Variants in PPIL4 observed in about 807,000 individuals in gnomAD.
PPIL4 encodes peptidyl-prolyl cis-trans isomerase-like 4.
PPIL4 carries 50 observed loss-of-function variants against 69.1 expected under a neutral mutation model. The ratio of observed to expected loss-of-function variants is 0.72; its 90% CI spans 0.58 to 0.92. PPIL4 has a LOEUF of 0.92. Among genes scored for constraint, PPIL4 ranks in the 40% least tolerant of loss-of-function variants. PPIL4 has a pLI of 0.00. For missense variants in PPIL4, 480 were observed against 587.9 expected, an observed-to-expected ratio of 0.82 and a Z score of 1.90; for synonymous variants, 193 against 191.6, an observed-to-expected ratio of 1.01 and a Z score of -0.06.
chr6:149,515,765 C>T (rs1776934547), intron 11 of PPIL4, among the ~76,000 whole-genome samples: 1 of 152,180 alleles, frequency 6.6e-6, no homozygotes, highest in Non-Finnish European at 1.5e-5. Flanking sequence ...TTTCAGAAGA[C>T]ATCAAATCCC....
chr6:149,543,773 G>A (rs1777397360), intron 1 of PPIL4, among the ~76,000 whole-genome samples: 1 of 152,066 alleles, frequency 6.6e-6, no homozygotes, highest in African/African-American at 2.4e-5. Context: ...AGATGCACTG[G>A]AGGTGGGGGT....
intron 12 of PPIL4, among the ~76,000 whole-genome samples, chr6:149,509,109 T>G (rs368069628): frequency 4.6e-5 from 7 of 152,274 alleles, no homozygotes; most frequent in South Asian, 4.1e-4. Context: ...TTTTTAAAAT[T>G]TAATATACTT....
chr6:149,512,047 T>C (rs1776852735), intron 12 of PPIL4, 108 bp downstream of exon 12: 1 of 843,400 alleles, frequency 1.2e-6, no homozygotes, highest in Non-Finnish European at 1.7e-6. Context: ...AACAAACCCA[T>C]CTCTGCTTAG....
intron 11 of PPIL4, among the ~76,000 whole-genome samples, chr6:149,516,150 A>G (rs1423361310): frequency 6.6e-6 from 1 of 152,230 alleles, no homozygotes; most frequent in Non-Finnish European, 1.5e-5. Context: ...TATTAGTAAT[A>G]AGCCTAAATT....
At chr6:149,522,310 G>C (rs1777040933) in intron 9 of PPIL4, among the ~76,000 whole-genome samples, 2 of 152,070 alleles carry the variant, frequency 1.3e-5, no homozygotes, top group Admixed American at 1.3e-4. Flanking sequence ...TCAAAATTGA[G>C]AAACTGATTC....
chr6:149,536,738 C>CAAA (rs750303522), intron 4 of PPIL4, among the ~76,000 whole-genome samples: 1 of 102,302 alleles, frequency 9.8e-6, no homozygotes, highest in Non-Finnish European at 2.2e-5. Flanking sequence ...TACTCCATCT[C>CAAA]AAAAAAAAAA....
intron 9 of PPIL4, among the ~76,000 whole-genome samples, chr6:149,523,809 A>G (rs540193409): frequency 1.3e-5 from 2 of 152,346 alleles, no homozygotes; most frequent in East Asian, 1.9e-4. Flanking sequence ...AAAATAAATA[A>G]TAGATTCTAT....
At chr6:149,517,503 G>C (rs1776965852) in intron 10 of PPIL4, 53 bp from the exon 11 acceptor site, 2 of 778,324 alleles carry the variant, frequency 2.6e-6, no homozygotes, top group Admixed American at 3.0e-5. Flanking sequence ...ACCTAACCAA[G>C]AACAATAATT....
chr6:149,507,752 C>T (rs1776788565), intron 12 of PPIL4, among the ~76,000 whole-genome samples: 1 of 152,140 alleles, frequency 6.6e-6, no homozygotes, highest in Non-Finnish European at 1.5e-5. Flanking sequence ...ATCACTCCTA[C>T]TCGGGAGTAG....
chr6:149,505,132 A>C lies in PPIL4; in HGVS notation c.*321T>G, dbSNP rs1171745771. Reference sequence around the variant, plus strand: ...GGCTGATGAGTACACAGATATTTACATTTATTATCCCTTTATATATACGTT... The same window carrying C: ...GGCTGATGAGTACACAGATATTTACCTTTATTATCCCTTTATATATACGTT... On this transcript the variant is annotated 3_prime_UTR_variant, in exon 13 of 13. Transcript: ENST00000253329. The C allele has an allele frequency of 4.8e-6, 1 of 207,178 alleles. No homozygotes were observed. Among genetic ancestry groups the C allele is most frequent in the African/African-American group, 2.4e-5 (1 of 42,322 alleles). The allele number at this position is 207,178 out of a possible 1,614,324, so 12.8% of individuals were successfully genotyped here.
rs557424895 is a variant in PPIL4, at chr6:149,535,749, G to C, written c.322-11C>G. ...TGTGGTGATAAGAAACTATAAAGAA[G>C]GACACATAATAAATACCATAAAAAT... On this transcript the variant is annotated splice_polypyrimidine_tract_variant and intron_variant, in intron 4 of 12. Transcript: ENST00000253329. 23 of 1,562,784 alleles carry C rather than the reference G, an allele frequency of 1.5e-5. No homozygotes were observed. In the Middle Eastern group the frequency reaches 8.4e-4, roughly 57 times the overall value.
chr6:149,525,132 T>C lies in PPIL4; in HGVS notation c.870+11A>G. 1 of 1,410,404 alleles carries C rather than the reference T, an allele frequency of 7.1e-7. No homozygotes were observed. Among genetic ancestry groups the C allele is most frequent in the Non-Finnish European group, 9.9e-7 (1 of 1,014,124 alleles). 87.4% of individuals were successfully genotyped at this position (1,410,404 alleles called of 1,614,324 possible). Reference sequence around the variant, plus strand: ...AATAAATACCAAACTTATGTCTGTATTATGACATACCTTTTCAAATTCAAT... The same window carrying C: ...AATAAATACCAAACTTATGTCTGTACTATGACATACCTTTTCAAATTCAAT... On this transcript the variant is annotated intron_variant, in intron 9 of 12. Coordinates refer to ENST00000253329, the MANE Select transcript of PPIL4 (RefSeq NM_139126.4).
At chr6:149,529,049 G>GT (rs1777150063) in intron 7 of PPIL4, among the ~76,000 whole-genome samples, 1 of 151,900 alleles carries the variant, frequency 6.6e-6, no homozygotes, top group South Asian at 2.1e-4. Flanking sequence ...AGCAACATGG[G>GT]TAAGACTCCA....
At chr6:149,522,538 G>C (rs1450750243) in intron 9 of PPIL4, among the ~76,000 whole-genome samples, 1 of 152,184 alleles carries the variant, frequency 6.6e-6, no homozygotes, top group South Asian at 2.1e-4. Flanking sequence ...TGGTACTACA[G>C]AGCTGTGGGG....
intron 7 of PPIL4, 68 bp from the exon 8 acceptor site, chr6:149,526,844 C>A: frequency 7.0e-7 from 1 of 1,431,316 alleles, no homozygotes. Flanking sequence ...CCTATCCAAT[C>A]CCACAATGCT....
At chr6:149,523,948 A>T (rs1777068331) in intron 9 of PPIL4, among the ~76,000 whole-genome samples, 1 of 152,182 alleles carries the variant, frequency 6.6e-6, no homozygotes, top group Non-Finnish European at 1.5e-5. Context: ...GTGCCTACAT[A>T]TAACTTTATG....
In PPIL4 at chr6:149,512,276, T is replaced by A. The variant is rs1776857528; in HGVS notation, c.1106A>T (p.Glu369Val). The change falls in exon 12 of 13, where the codon GAG becomes GTG. Residue 369 changes from glutamate to valine, a missense_variant. Coordinates refer to ENST00000253329, the MANE Select transcript of PPIL4 (RefSeq NM_139126.4). ...ACTTGATTTTGAGTCTTCGGCCTGC[T>A]CATCTAATATAAGATCGTATTTTGT... ...QDTKYDLILD[E>V]QAEDSKSSHS... The A allele has an allele frequency of 6.2e-7, 1 of 1,612,770 alleles. No individual in the cohort carries two copies. Among genetic ancestry groups the A allele is most frequent in the Non-Finnish European group, 8.5e-7 (1 of 1,179,150 alleles).
chr6:149,515,139 ATT>A (rs60680973), intron 11 of PPIL4, among the ~76,000 whole-genome samples: 6 of 138,294 alleles, frequency 4.3e-5, no homozygotes, highest in Admixed American at 7.2e-5. Context: ...CACCCAGCCA[ATT>A]TTTTTTTTTT....
intron 11 of PPIL4, among the ~76,000 whole-genome samples, chr6:149,513,396 AAAAAAAAAAAAAAAAAATAT>A (rs1188367313): frequency 2.0e-5 from 2 of 99,994 alleles, no homozygotes; most frequent in African/African-American, 7.8e-5. Context: ...AAAAAAAAAA[AAAAAAAAAAAAAAAAAATAT>A]ATATATATAT....
Sources: allele counts gnomAD v4.1 joint callset (sites outside exome capture counted in the v4.1 genomes callset), GRCh38; gene constraint gnomAD v4.1.1; transcripts MANE v1.5; gene names NCBI Gene and HGNC (gene_info 2026-07-23, HGNC 2026-07-21).